ADAM32: variants seen among roughly 807,000 people sequenced by gnomAD.
ADAM32 encodes the protein disintegrin and metalloproteinase domain-containing protein 32.
ADAM32 carries 89 observed loss-of-function variants against 114.9 expected under a neutral mutation model. The ratio of observed to expected loss-of-function variants is 0.77; its 90% confidence interval spans 0.65 to 0.92. The LOEUF is 0.92. ADAM32 is among the 40% of genes least tolerant of loss of function. The pLI, the probability that ADAM32 is intolerant of heterozygous loss-of-function variation, is 0.00. For missense variants in ADAM32, 870 were observed against 932.8 expected (o/e 0.93, Z 0.88); for synonymous variants, 285 against 307.5 (o/e 0.93, Z 0.77).
At chr8:39,200,923 C>G (rs1467194086) in intron 11 of ADAM32, among the ~76,000 whole-genome samples, 1 of 152,154 alleles carries the variant, frequency 6.6e-6, no homozygotes, top group Non-Finnish European at 1.5e-5. Flanking sequence ...TTTCCAAGAT[C>G]AGATGGTTAT....
At chr8:39,227,369 T>G (rs7000417) in intron 14 of ADAM32, among the ~76,000 whole-genome samples, 5,967 of 152,224 alleles carry the variant, frequency 0.039, 407 homozygotes, top group African/African-American at 0.14. Context: ...GTGGGAGTTC[T>G]CTGGGTCCCC....
At chr8:39,114,698 A>T (rs556192130) in intron 1 of ADAM32, among the ~76,000 whole-genome samples, 1 of 152,152 alleles carries the variant, frequency 6.6e-6, no homozygotes, top group African/African-American at 2.4e-5. Context: ...AATTTTTTTC[A>T]TAAGTTTTAT....
chr8:39,217,221 G>A (rs764266961), intron 12 of ADAM32, among the ~76,000 whole-genome samples: 18 of 151,990 alleles, frequency 1.2e-4, no homozygotes, highest in Non-Finnish European at 2.4e-4. Context: ...CTGCTGAAAA[G>A]TCTGCTGCCA....
intron 6 of ADAM32, chr8:39,157,704 G>T (rs1804226402): frequency 2.1e-6 from 2 of 967,304 alleles, no homozygotes; most frequent in Non-Finnish European, 3.2e-6. Flanking sequence ...ACTTGTGGAG[G>T]ATGAGCGCTT....
At chr8:39,234,297 G>C (rs1339598707) in intron 16 of ADAM32, among the ~76,000 whole-genome samples, 1 of 120,990 alleles carries the variant, frequency 8.3e-6, no homozygotes, top group African/African-American at 3.3e-5. Flanking sequence ...TCAGTGTTCT[G>C]AGCAAGGAAA....
At position 39,270,918 on chromosome 8, in the gene ADAM32, A is replaced by G. The variant is rs920015687; in HGVS notation, c.2201+4A>G. ...GCACACAGACATATGCCAGCCAGTA[A>G]GTAGTTTAGAAGGTGTTTTTAAGAT... On this transcript the variant is annotated splice_donor_region_variant and intron_variant, in intron 20 of 24. Coordinates refer to ENST00000379907, the MANE Select transcript of ADAM32 (RefSeq NM_145004.7). 6.2e-7 allele frequency: 1 copy of G among 1,607,358 alleles called. No individual in the cohort carries two copies. Among genetic ancestry groups the G allele is most frequent in the Non-Finnish European group, 8.5e-7 (1 of 1,176,070 alleles).
chr8:39,190,067 C>T (rs1050573469), intron 11 of ADAM32, among the ~76,000 whole-genome samples: 1 of 152,198 alleles, frequency 6.6e-6, no homozygotes, highest in Non-Finnish European at 1.5e-5. Context: ...ATCCGCCTGC[C>T]TTGGCCTCCG....
In ADAM32 at chr8:39,122,487, C is replaced by T. The variant is rs142775669; in HGVS notation, c.138+4322C>T. 4.2e-3 allele frequency among the ~76,000 whole-genome samples: 638 copies of T among 152,268 alleles called. 2 individuals carry two copies. Among genetic ancestry groups the T allele is most frequent in the African/African-American group, 0.014 (571 of 41,564 alleles). Reference sequence around the variant, plus strand: ...CATAGTGAGAAAAGAGCTACCTACACGCCGTAAAGAGAGGCCTCACCAGAA... The same window carrying T: ...CATAGTGAGAAAAGAGCTACCTACATGCCGTAAAGAGAGGCCTCACCAGAA... On this transcript the variant is annotated intron_variant, in intron 2 of 24. Coordinates refer to ENST00000379907, the MANE Select transcript of ADAM32 (RefSeq NM_145004.7).
chr8:39,138,461 A>G (rs984647197), intron 3 of ADAM32, among the ~76,000 whole-genome samples: 5 of 152,074 alleles, frequency 3.3e-5, no homozygotes, highest in African/African-American at 1.2e-4. Context: ...GCTTAGAATG[A>G]TGGTTTCCAG....
At chr8:39,108,279 C>G (rs1338855006) in intron 1 of ADAM32, 1 of 153,442 alleles carries the variant, frequency 6.5e-6, no homozygotes, top group African/African-American at 2.4e-5. Context: ...GAGATCCTGT[C>G]TTTTTTATAA....
At chr8:39,252,471 C>T (rs1005793508) in intron 17 of ADAM32, among the ~76,000 whole-genome samples, 4 of 150,466 alleles carry the variant, frequency 2.7e-5, no homozygotes, top group African/African-American at 9.7e-5. Context: ...GTGATAAATT[C>T]TTACATTAAA....
intron 22 of ADAM32, among the ~76,000 whole-genome samples, chr8:39,280,170 T>TAA (rs1212368946): frequency 6.6e-6 from 1 of 152,246 alleles, no homozygotes; most frequent in Non-Finnish European, 1.5e-5. Context: ...TTCTAACACG[T>TAA]AAAGATCCAT....
intron 19 of ADAM32, 23 bp downstream of exon 19, chr8:39,257,366 A>C (rs943887645): frequency 2.5e-6 from 4 of 1,612,234 alleles, no homozygotes; most frequent in Non-Finnish European, 3.4e-6. Context: ...TGTGTTCTGA[A>C]GTTAAACATT....
At chr8:39,230,652 A>G (rs1396319041) in intron 14 of ADAM32, among the ~76,000 whole-genome samples, 2 of 152,166 alleles carry the variant, frequency 1.3e-5, no homozygotes, top group Non-Finnish European at 2.9e-5. Flanking sequence ...ATCCTCATGG[A>G]ATCTATACAA....
chr8:39,164,466 T>C (rs998423319), intron 7 of ADAM32, among the ~76,000 whole-genome samples: 1 of 152,202 alleles, frequency 6.6e-6, no homozygotes, highest in Non-Finnish European at 1.5e-5. Flanking sequence ...TGAGGATCAG[T>C]TTTTTGAGAT....
intron 16 of ADAM32, among the ~76,000 whole-genome samples, chr8:39,245,687 G>A (rs575116305): frequency 6.6e-6 from 1 of 152,122 alleles, no homozygotes; most frequent in African/African-American, 2.4e-5. Flanking sequence ...CTCTAGAACT[G>A]TTAGAAAATA....
intron 2 of ADAM32, among the ~76,000 whole-genome samples, chr8:39,127,149 G>C (rs1320625563): frequency 1.3e-5 from 2 of 152,118 alleles, no homozygotes; most frequent in East Asian, 3.8e-4. Flanking sequence ...TTGTATCTCT[G>C]TCAGGTTTTG....
intron 19 of ADAM32, among the ~76,000 whole-genome samples, chr8:39,264,319 T>C (rs1269868869): frequency 3.3e-5 from 5 of 152,210 alleles, no homozygotes; most frequent in African/African-American, 4.8e-5. Context: ...CATCTATTTC[T>C]TCTAGGTTTT....
intron 11 of ADAM32, among the ~76,000 whole-genome samples, chr8:39,196,223 G>T (rs886407434): frequency 6.6e-6 from 1 of 152,058 alleles, no homozygotes; most frequent in Non-Finnish European, 1.5e-5. Flanking sequence ...TTGTTGATCA[G>T]TTTTTAGAGT....
Sources: gnomAD v4.1 joint callset for allele counts (sites outside exome capture counted in the v4.1 genomes callset) on GRCh38, gnomAD v4.1.1 for gene constraint, MANE v1.5 for transcripts, NCBI Gene and HGNC (gene_info 2026-07-23, HGNC 2026-07-21) for gene names.